CLMN: variants seen among roughly 807,000 people sequenced by gnomAD.
CLMN encodes the protein calmin.
CLMN carries 57 observed loss-of-function variants against 92.7 expected under a neutral mutation model. The ratio of observed to expected loss-of-function variants is 0.61; its 90% confidence interval spans 0.50 to 0.77. The LOEUF is 0.77. Among genes scored for constraint, CLMN ranks in the 30% least tolerant of loss-of-function variants. CLMN has a pLI of 0.00. For synonymous variants in CLMN, 466 were observed against 470.6 expected (o/e 0.99, Z 0.13); for missense variants, 1,158 against 1,237.5 (o/e 0.94, Z 0.96).
chr14:95,206,479 T>C (rs1265647727), intron 8 of CLMN, among the ~76,000 whole-genome samples: 1 of 152,220 alleles, frequency 6.6e-6, no homozygotes, highest in Non-Finnish European at 1.5e-5. Context: ...CAAATGCATA[T>C]GGCACATTTA....
chr14:95,193,840 G>A lies in CLMN; in HGVS notation c.2840+9C>T. On this transcript the variant is annotated intron_variant, in intron 12 of 12. Coordinates refer to ENST00000298912, the MANE Select transcript of CLMN (RefSeq NM_024734.4). ...CTACCCCCACAAAACCTGAAGTAAAGCCACCAACCTGGTTAATATTCGGTT... is the reference window on the plus strand; with the variant it reads ...CTACCCCCACAAAACCTGAAGTAAAACCACCAACCTGGTTAATATTCGGTT... 1.2e-6 allele frequency: 2 copies of A among 1,613,596 alleles called. No homozygotes were observed. The highest frequency in any genetic ancestry group is 1.7e-6 in the Non-Finnish European group (2 of 1,179,880).
chr14:95,239,340 T>C (rs1326567415), intron 1 of CLMN, among the ~76,000 whole-genome samples: 2 of 151,252 alleles, frequency 1.3e-5, no homozygotes, highest in Non-Finnish European at 2.9e-5. Flanking sequence ...AGGAAGGAGA[T>C]GGGTAAGAAA....
At chr14:95,276,305 T>C (rs1394382403) in intron 1 of CLMN, among the ~76,000 whole-genome samples, 1 of 152,220 alleles carries the variant, frequency 6.6e-6, no homozygotes. Flanking sequence ...GTGAAGTCCC[T>C]CAGTAAGGAA....
chr14:95,254,216 C>A (rs1377209728), intron 1 of CLMN, among the ~76,000 whole-genome samples: 3 of 152,194 alleles, frequency 2.0e-5, no homozygotes, highest in Non-Finnish European at 4.4e-5. Context: ...GCAGACCCAG[C>A]CCCACCCATG....
intron 8 of CLMN, among the ~76,000 whole-genome samples, chr14:95,208,503 T>C (rs562825211): frequency 1.3e-5 from 2 of 152,332 alleles, no homozygotes; most frequent in South Asian, 2.1e-4. Context: ...ATTTGTAACA[T>C]TGATAAAAAT....
chr14:95,310,066 C>T lies in CLMN; in HGVS notation c.82+9645G>A, dbSNP rs543773321. On this transcript the variant is annotated intron_variant, in intron 1 of 12. Transcript: ENST00000298912. The stretch of plus-strand genomic sequence containing the variant: ...GTTTGGGTGTGTGTCCCCTCCAAAT[C>T]TCAGGTTGAAATGTGATCCGCAGTG... 3.0e-4 allele frequency among the ~76,000 whole-genome samples: 45 copies of T among 152,252 alleles called. No homozygotes were observed. The South Asian group carries it at 4.4e-3, about 15-fold the overall frequency.
intron 1 of CLMN, among the ~76,000 whole-genome samples, chr14:95,267,647 T>C (rs539662609): frequency 3.9e-5 from 6 of 152,216 alleles, no homozygotes; most frequent in African/African-American, 9.6e-5. Context: ...AAGTACCTTA[T>C]GATCCAGCAA....
intron 1 of CLMN, among the ~76,000 whole-genome samples, chr14:95,297,711 C>T (rs1432688454): frequency 6.6e-6 from 1 of 152,066 alleles, no homozygotes; most frequent in East Asian, 1.9e-4. Flanking sequence ...TCCTCCTGAG[C>T]AGTATTCCAC....
intron 1 of CLMN, among the ~76,000 whole-genome samples, chr14:95,244,582 G>T (rs1898386668): frequency 6.6e-6 from 1 of 152,192 alleles, no homozygotes; most frequent in Non-Finnish European, 1.5e-5. Context: ...GAAGTCTTGA[G>T]AAATGTTTTT....
In CLMN at chr14:95,187,002, G is replaced by A. The variant is rs377126784; in HGVS notation, c.*4562C>T. The stretch of plus-strand genomic sequence containing the variant: ...GGCAGCAAAACCAGGGGGAAGGAAG[G>A]AAGGTAATAACTAATCATGGCATTC... On this transcript the variant is annotated 3_prime_UTR_variant, in exon 13 of 13. Coordinates refer to ENST00000298912, the MANE Select transcript of CLMN (RefSeq NM_024734.4). The A allele has an allele frequency of 6.6e-6, 1 of 152,246 alleles. No individual in the cohort carries two copies. Among genetic ancestry groups the A allele is most frequent in the Non-Finnish European group, 1.5e-5 (1 of 68,070 alleles). 9.4% of individuals were successfully genotyped at this position (152,246 alleles called of 1,614,324 possible).
Position 95,184,054 on chromosome 14 carries a change from T to G in CLMN, c.*7510A>C, listed in dbSNP as rs1292375921. Reference sequence around the variant, plus strand: ...ACACTAAGGGTTAGGGAAAGAGGTATAGTCAACGCTTGCTTCAAGAGGAAG... The same window carrying G: ...ACACTAAGGGTTAGGGAAAGAGGTAGAGTCAACGCTTGCTTCAAGAGGAAG... On this transcript the variant is annotated 3_prime_UTR_variant, in exon 13 of 13. Coordinates refer to ENST00000298912, the MANE Select transcript of CLMN (RefSeq NM_024734.4). The G allele has an allele frequency of 1.3e-5, 2 of 152,110 alleles. No homozygotes were observed. The highest frequency in any genetic ancestry group is 4.1e-4 in the South Asian group (2 of 4,820). 9.4% of individuals were successfully genotyped at this position (152,110 alleles called of 1,614,324 possible).
chr14:95,245,193 TAATATATATATATA>T (rs1566890751), intron 1 of CLMN, among the ~76,000 whole-genome samples: 476 of 38,968 alleles, frequency 0.012, 52 homozygotes, highest in African/African-American at 0.051. Context: ...TATATATATA[TAATATATATATATA>T]TTATATATAT....
intron 1 of CLMN, among the ~76,000 whole-genome samples, chr14:95,318,579 T>C (rs1379220611): frequency 6.6e-6 from 1 of 152,096 alleles, no homozygotes; most frequent in Non-Finnish European, 1.5e-5. Flanking sequence ...CCTATAACAG[T>C]AAAGTCGCTG....
At chr14:95,243,926 G>T (rs778474720) in intron 1 of CLMN, among the ~76,000 whole-genome samples, 4 of 152,080 alleles carry the variant, frequency 2.6e-5, no homozygotes, top group Non-Finnish European at 5.9e-5. Context: ...CACCACAGGG[G>T]TGATTTCTTT....
Position 95,245,541 on chromosome 14 carries a change from T to C in CLMN, c.83-15408A>G, listed in dbSNP as rs542057812. On this transcript the variant is annotated intron_variant, in intron 1 of 12. Coordinates refer to ENST00000298912, the MANE Select transcript of CLMN (RefSeq NM_024734.4). ...ATGGATGGATGGATAGGTAGATGGATGAATGGATAGGTGGATGGAGAGATG... is the reference window on the plus strand; with the variant it reads ...ATGGATGGATGGATAGGTAGATGGACGAATGGATAGGTGGATGGAGAGATG... 3.6e-3 allele frequency among the ~76,000 whole-genome samples: 533 copies of C among 148,884 alleles called. 1 individual carries two copies. The highest frequency in any genetic ancestry group is 0.013 in the African/African-American group (506 of 40,362).
At chr14:95,242,878 T>C (rs952110047) in intron 1 of CLMN, among the ~76,000 whole-genome samples, 3 of 152,236 alleles carry the variant, frequency 2.0e-5, no homozygotes, top group Non-Finnish European at 4.4e-5. Context: ...GGCATCTCTA[T>C]TTTTAATGTA....
At chr14:95,289,502 T>C (rs61982974) in intron 1 of CLMN, among the ~76,000 whole-genome samples, 60 of 93,022 alleles carry the variant, frequency 6.5e-4, no homozygotes, top group African/African-American at 1.4e-3. Flanking sequence ...AATAAATAAA[T>C]AAATAAACAA....
chr14:95,226,338 A>T (rs1897710691), intron 2 of CLMN, among the ~76,000 whole-genome samples: 1 of 152,236 alleles, frequency 6.6e-6, no homozygotes, highest in South Asian at 2.1e-4. Context: ...AGTAATGACA[A>T]GAAGCAACTC....
chr14:95,268,738 G>C (rs1015084826), intron 1 of CLMN, among the ~76,000 whole-genome samples: 4 of 146,248 alleles, frequency 2.7e-5, no homozygotes, highest in African/African-American at 7.5e-5. Context: ...AGCTATGAAA[G>C]AGGTTACCAC....
Sources: allele counts gnomAD v4.1 joint callset (sites outside exome capture counted in the v4.1 genomes callset), GRCh38; gene constraint gnomAD v4.1.1; transcripts MANE v1.5; gene names NCBI Gene and HGNC (gene_info 2026-07-23, HGNC 2026-07-21).